RBPJ: variants seen among roughly 807,000 people sequenced by gnomAD.
RBPJ encodes recombination signal binding protein for immunoglobulin kappa J region.
RBPJ carries 9 observed loss-of-function variants against 67.8 expected under a neutral mutation model. The observed-to-expected ratio is 0.13, with a 90% CI of 0.08 to 0.23. The LOEUF is 0.23. Ranked by LOEUF, RBPJ falls within the 10% of genes least tolerant of loss-of-function variation. The probability of loss-of-function intolerance (pLI) is 1.00; values close to 1 mark genes in which losing one functional copy is unlikely to be tolerated. For synonymous variants in RBPJ, 198 were observed against 203.3 expected, an observed-to-expected ratio of 0.97 and a Z score of 0.22; for missense variants, 305 against 595.6, an observed-to-expected ratio of 0.51 and a Z score of 5.08.
rs1441557981 is a variant in RBPJ at position 26,395,909 on chromosome 4, T to TTA, written c.59+9518_59+9519insTA. Among the ~76,000 whole-genome samples the TTA allele has an allele frequency of 5.9e-5, 9 of 152,352 alleles. No individual in the cohort carries two copies. The South Asian group carries it at 1.4e-3, about 25-fold the overall frequency. On this transcript the variant is annotated intron_variant, in intron 2 of 10. Coordinates refer to ENST00000355476, the MANE Select transcript of RBPJ (RefSeq NM_015874.6). ...TTAGAAGCATTTTACCAGTGCCTAA[T>TTA]GAGAAACTCTTAAAACAGTGTATTT... is the stretch of plus-strand genomic sequence containing the variant.
intron 3 of RBPJ, among the ~76,000 whole-genome samples, chr4:26,412,229 A>C (rs1734104412): frequency 6.6e-6 from 1 of 152,126 alleles, no homozygotes; most frequent in African/African-American, 2.4e-5. Context: ...AAAATCTGAA[A>C]ACCCCGAGTG....
chr4:26,267,693 C>T (rs1262403432), intron 1 of RBPJ, among the ~76,000 whole-genome samples: 1 of 152,014 alleles, frequency 6.6e-6, no homozygotes, highest in Non-Finnish European at 1.5e-5. Context: ...CTGCACCCTC[C>T]ACCTCCCAGG....
At chr4:26,382,048 C>T (rs1489366295) in intron 1 of RBPJ, among the ~76,000 whole-genome samples, 1 of 151,792 alleles carries the variant, frequency 6.6e-6, no homozygotes, top group Non-Finnish European at 1.5e-5. Context: ...GATTTTTTTT[C>T]CCATTGTTAA....
intron 4 of RBPJ, among the ~76,000 whole-genome samples, chr4:26,418,805 T>C (rs946977306): frequency 4.6e-5 from 7 of 152,214 alleles, no homozygotes; most frequent in African/African-American, 1.4e-4. Flanking sequence ...CCTCGTCTTA[T>C]GTTGCAGAAG....
chr4:26,197,415 C>T (rs1422531361), intron 1 of RBPJ, among the ~76,000 whole-genome samples: 2 of 152,186 alleles, frequency 1.3e-5, no homozygotes, highest in African/African-American at 4.8e-5. Flanking sequence ...TCAGGAAATT[C>T]AAGTCATTTC....
chr4:26,186,614 T>C (rs1390861392), intron 1 of RBPJ, among the ~76,000 whole-genome samples: 3 of 152,140 alleles, frequency 2.0e-5, no homozygotes, highest in Non-Finnish European at 4.4e-5. Context: ...TGCTGAGATG[T>C]ACAGGCCAAG....
chr4:26,386,223 T>C, intron 1 of RBPJ, 130 bp from the exon 2 acceptor site: 1 of 636,318 alleles, frequency 1.6e-6, no homozygotes, highest in Non-Finnish European at 2.7e-6. Flanking sequence ...CCAGAGGATT[T>C]CTGTCTTCAT....
At chr4:26,312,265 G>A (rs1722455967) in intron 1 of RBPJ, among the ~76,000 whole-genome samples, 1 of 152,104 alleles carries the variant, frequency 6.6e-6, no homozygotes, top group Non-Finnish European at 1.5e-5. Flanking sequence ...CTGAGTAGCT[G>A]GGACTGCAGG....
intron 1 of RBPJ, among the ~76,000 whole-genome samples, chr4:26,362,213 T>G (rs918465857): frequency 6.6e-6 from 1 of 152,140 alleles, no homozygotes; most frequent in Non-Finnish European, 1.5e-5. Flanking sequence ...AGAAGAAAAT[T>G]GAAGAAACAA....
chr4:26,109,636 CTCTCTG>C, the RBPJ span, among the ~76,000 whole-genome samples: 12 of 31,900 alleles, frequency 3.8e-4, 2 homozygotes, highest in African/African-American at 1.6e-3. Flanking sequence ...CTCTCTCTCT[CTCTCTG>C]TCTCTCTCTC....
chr4:26,150,701 T>C, the RBPJ span, among the ~76,000 whole-genome samples: 1 of 152,244 alleles, frequency 6.6e-6, no homozygotes, highest in Non-Finnish European at 1.5e-5. Context: ...ATTAAGTCCA[T>C]AGGGTACACA....
chr4:26,116,458 C>G, the RBPJ span, among the ~76,000 whole-genome samples: 3 of 152,198 alleles, frequency 2.0e-5, no homozygotes, highest in Admixed American at 6.5e-5. Context: ...TTTTTCCCAC[C>G]TGCTATTGCA....
intron 3 of RBPJ, 59 bp from the exon 4 acceptor site, chr4:26,415,416 T>G (rs1228442639): frequency 1.2e-5 from 16 of 1,316,976 alleles, no homozygotes; most frequent in Middle Eastern, 2.2e-4. Context: ...AAGGAAATGC[T>G]TTATTGAATC....
chr4:26,219,107 GA>G (rs990811065), intron 1 of RBPJ, among the ~76,000 whole-genome samples: 9 of 152,022 alleles, frequency 5.9e-5, no homozygotes, highest in Non-Finnish European at 1.3e-4. Flanking sequence ...AAATTTAGAA[GA>G]AAAAAAATGA....
chr4:26,202,773 G>T (rs1336554123), intron 1 of RBPJ, among the ~76,000 whole-genome samples: 1 of 151,960 alleles, frequency 6.6e-6, no homozygotes, highest in Non-Finnish European at 1.5e-5. Flanking sequence ...GCTGGGCATG[G>T]TGACACGCCC....
chr4:26,112,295 GA>G, the RBPJ span: 1 of 153,368 alleles, frequency 6.5e-6, no homozygotes, highest in South Asian at 2.1e-4. Flanking sequence ...TGTGTGAAAT[GA>G]GTTTGAAAGA....
chr4:26,268,452 T>C (rs531505901), intron 1 of RBPJ, among the ~76,000 whole-genome samples: 1 of 152,186 alleles, frequency 6.6e-6, no homozygotes, highest in Non-Finnish European at 1.5e-5. Context: ...TTTTCAGGCT[T>C]TGGGCTTTTT....
intron 1 of RBPJ, among the ~76,000 whole-genome samples, chr4:26,369,987 C>T (rs906794697): frequency 1.3e-5 from 2 of 152,066 alleles, no homozygotes; most frequent in Admixed American, 6.6e-5. Flanking sequence ...TTTGAGTCAG[C>T]GAACTGGGCA....
intron 1 of RBPJ, among the ~76,000 whole-genome samples, chr4:26,368,903 A>G (rs1728884804): frequency 6.6e-6 from 1 of 152,238 alleles, no homozygotes; most frequent in African/African-American, 2.4e-5. Context: ...CAAGCAGAAC[A>G]CACTGAAAGC....
Sources: allele counts gnomAD v4.1 joint callset (sites outside exome capture counted in the v4.1 genomes callset), GRCh38; gene constraint gnomAD v4.1.1; transcripts MANE v1.5; gene names NCBI Gene and HGNC (gene_info 2026-07-23, HGNC 2026-07-21).